C12orf42: variants seen among roughly 807,000 people sequenced by gnomAD.
C12orf42 encodes chromosome 12 open reading frame 42.
In C12orf42, 25 loss-of-function variants were observed where a neutral mutation model predicts 21.6. The observed-to-expected ratio is 1.16, with a 90% CI of 0.84 to 1.62. The LOEUF is 1.62. Ranked by LOEUF, C12orf42 falls within the 40% of genes most tolerant of loss-of-function variation. The probability of loss-of-function intolerance (pLI) is 0.00; values close to 1 mark genes in which losing one functional copy is unlikely to be tolerated. For synonymous variants in C12orf42, 174 were observed against 175.0 expected (o/e 0.99, Z 0.05); for missense variants, 483 against 459.3 (o/e 1.05, Z -0.47).
At chr12:103,244,591 AG>A in intron 10 of C12orf42, among the ~76,000 whole-genome samples, 1 of 152,170 alleles carries the variant, frequency 6.6e-6, no homozygotes, top group East Asian at 1.9e-4. Context: ...GTTAGTATAA[AG>A]TCTCTAAATT....
chr12:103,176,104 C>T, the C12orf42 span, among the ~76,000 whole-genome samples: 1 of 152,114 alleles, frequency 6.6e-6, no homozygotes, highest in Non-Finnish European at 1.5e-5. Context: ...CCCACCTCCC[C>T]CCAGTTCAAT....
intron 2 of C12orf42, among the ~76,000 whole-genome samples, chr12:103,434,260 C>G (rs946272340): frequency 1.3e-5 from 2 of 152,192 alleles, no homozygotes; most frequent in African/African-American, 4.8e-5. Flanking sequence ...TGAGCCATCT[C>G]TAAACCAAAC....
At chr12:103,514,193 A>G in the C12orf42 span, among the ~76,000 whole-genome samples, 2 of 152,204 alleles carry the variant, frequency 1.3e-5, no homozygotes, top group Non-Finnish European at 2.9e-5. Context: ...TCACTATCAC[A>G]AGAACAGGAT....
At chr12:103,477,162 T>C (rs753521137) in intron 2 of C12orf42, among the ~76,000 whole-genome samples, 1 of 152,124 alleles carries the variant, frequency 6.6e-6, no homozygotes, top group Non-Finnish European at 1.5e-5. Context: ...TTTTCAGAAG[T>C]GGAGCCACAG....
chr12:103,447,554 T>G (rs1951658274), intron 2 of C12orf42, among the ~76,000 whole-genome samples: 1 of 151,744 alleles, frequency 6.6e-6, no homozygotes, highest in Admixed American at 6.6e-5. Context: ...TAAAGAACCA[T>G]CCAAAAAGCT....
At chr12:103,362,446 G>A (rs1432073380) in intron 4 of C12orf42, among the ~76,000 whole-genome samples, 1 of 152,006 alleles carries the variant, frequency 6.6e-6, no homozygotes, top group Non-Finnish European at 1.5e-5. Flanking sequence ...GACAAAACAA[G>A]GTTCTTTACC....
At chr12:103,157,046 C>T in the C12orf42 span, among the ~76,000 whole-genome samples, 1 of 152,166 alleles carries the variant, frequency 6.6e-6, no homozygotes, top group Non-Finnish European at 1.5e-5. Flanking sequence ...TGAGGAATCG[C>T]CACACTGTCT....
Position 103,473,848 on chromosome 12 carries a change from T to C in C12orf42, c.78+4501A>G, listed in dbSNP as rs563315732. On this transcript the variant is annotated intron_variant, in intron 2 of 5. Coordinates refer to ENST00000548883, the MANE Select transcript of C12orf42 (RefSeq NM_198521.5). ...CCTCAACCCAAGACTCTCAGCTCCC[T>C]GAGGGCAGAAACTATCCTCTGAGTA... Among the ~76,000 whole-genome samples the C allele has an allele frequency of 2.6e-5, 4 of 152,318 alleles. No homozygotes were observed. The South Asian group carries it at 8.3e-4, about 32-fold the overall frequency.
chr12:103,337,293 A>C (rs557435188), intron 4 of C12orf42, among the ~76,000 whole-genome samples: 3 of 152,324 alleles, frequency 2.0e-5, no homozygotes, highest in African/African-American at 4.8e-5. Flanking sequence ...TTCTGGGGAC[A>C]AGAGTCTGAG....
At chr12:103,322,141 ACACACACACG>A (rs2040238128) in intron 4 of C12orf42, among the ~76,000 whole-genome samples, 3 of 151,730 alleles carry the variant, frequency 2.0e-5, no homozygotes, top group Non-Finnish European at 4.4e-5. Flanking sequence ...ACACACACAC[ACACACACACG>A]CACACGCACA....
the C12orf42 span, among the ~76,000 whole-genome samples, chr12:103,521,214 T>C: frequency 6.4e-4 from 98 of 152,280 alleles, no homozygotes; most frequent in African/African-American, 2.2e-3. Context: ...CAGAGTGGAA[T>C]AGTCATAGCC....
intron 4 of C12orf42, among the ~76,000 whole-genome samples, chr12:103,307,518 C>A (rs2038486094): frequency 6.6e-6 from 1 of 152,078 alleles, no homozygotes; most frequent in South Asian, 2.1e-4. Flanking sequence ...GAAAAAAAGT[C>A]CCCAATTGTC....
chr12:103,115,972 A>G, the C12orf42 span, among the ~76,000 whole-genome samples: 1 of 152,216 alleles, frequency 6.6e-6, no homozygotes, highest in Non-Finnish European at 1.5e-5. Context: ...CGATATGTGA[A>G]CATATTATTG....
the C12orf42 span, among the ~76,000 whole-genome samples, chr12:103,230,626 C>A: frequency 6.6e-6 from 1 of 152,138 alleles, no homozygotes; most frequent in Non-Finnish European, 1.5e-5. Context: ...TCTTGTCTGA[C>A]CCCCACTACC....
intron 4 of C12orf42, among the ~76,000 whole-genome samples, chr12:103,322,995 C>T (rs1340698199): frequency 6.6e-6 from 1 of 152,150 alleles, no homozygotes; most frequent in Admixed American, 6.5e-5. Context: ...CTATTTGTTC[C>T]ATTCTGCAGA....
chr12:103,241,193 A>G, intron 10 of C12orf42, among the ~76,000 whole-genome samples: 1 of 151,994 alleles, frequency 6.6e-6, no homozygotes, highest in East Asian at 1.9e-4. Context: ...TAAAAAAAAA[A>G]AAAAAAGAAA....
chr12:103,488,553 C>T (rs1365701215), intron 1 of C12orf42, among the ~76,000 whole-genome samples: 2 of 152,196 alleles, frequency 1.3e-5, no homozygotes, highest in Admixed American at 1.3e-4. Context: ...TGTTTTCCAA[C>T]GTGGTTCCAT....
chr12:103,150,011 T>A, the C12orf42 span, among the ~76,000 whole-genome samples: 1 of 152,206 alleles, frequency 6.6e-6, no homozygotes, highest in Non-Finnish European at 1.5e-5. Context: ...TATGATAGCT[T>A]ATTTTCCCAC....
At chr12:103,095,469 T>C in the C12orf42 span, among the ~76,000 whole-genome samples, 2 of 152,172 alleles carry the variant, frequency 1.3e-5, no homozygotes, top group Non-Finnish European at 2.9e-5. Context: ...AACACTCCTC[T>C]TGTAGATTTG....
Sources: gnomAD v4.1 joint callset for allele counts (sites outside exome capture counted in the v4.1 genomes callset) on GRCh38, gnomAD v4.1.1 for gene constraint, MANE v1.5 for transcripts, NCBI Gene and HGNC (gene_info 2026-07-23, HGNC 2026-07-21) for gene names.